Variants in AGBL1 observed in about 807,000 individuals in gnomAD.
AGBL1 encodes cytosolic carboxypeptidase 4.
AGBL1 carries 130 observed loss-of-function variants against 118.9 expected under a neutral mutation model. The ratio of observed to expected loss-of-function variants is 1.09; its 90% confidence interval spans 0.95 to 1.26. The LOEUF (loss-of-function observed/expected upper bound fraction) is 1.26. Ranked by LOEUF, AGBL1 falls within the 50% of genes most tolerant of loss-of-function variation. The pLI, the probability that AGBL1 is intolerant of heterozygous loss-of-function variation, is 0.00. For synonymous variants in AGBL1, 555 were observed against 478.9 expected (o/e 1.16, Z -2.08); for missense variants, 1,584 against 1,298.1 (o/e 1.22, Z -3.38).
intron 1 of AGBL1, among the ~76,000 whole-genome samples, chr15:86,123,978 T>C (rs1006394120): frequency 1.4e-4 from 22 of 152,140 alleles, no homozygotes; most frequent in African/African-American, 5.3e-4. Context: ...GATATTGGAA[T>C]GGAACGAGGA....
At chr15:86,432,921 T>A (rs2081953098) in intron 18 of AGBL1, among the ~76,000 whole-genome samples, 1 of 152,224 alleles carries the variant, frequency 6.6e-6, no homozygotes, top group Non-Finnish European at 1.5e-5. Flanking sequence ...CCTGTCCCCA[T>A]GTCTCCCTCA....
chr15:86,257,898 A>G, intron 8 of AGBL1, 66 bp from the exon 9 acceptor site: 3 of 1,528,100 alleles, frequency 2.0e-6, no homozygotes, highest in South Asian at 1.2e-5. Context: ...GTATGGTGAA[A>G]ATCTAAATCC....
At chr15:86,159,238 A>G (rs1053417719) in intron 5 of AGBL1, among the ~76,000 whole-genome samples, 2 of 151,870 alleles carry the variant, frequency 1.3e-5, no homozygotes, top group Admixed American at 1.3e-4. Flanking sequence ...GAATGGGTAT[A>G]TTATTATTCT....
At chr15:86,596,887 T>C (rs1452731519) in intron 21 of AGBL1, among the ~76,000 whole-genome samples, 1 of 152,204 alleles carries the variant, frequency 6.6e-6, no homozygotes, top group Non-Finnish European at 1.5e-5. Flanking sequence ...TTATTATTTA[T>C]TGCCTGTACT....
At chr15:86,224,874 C>T (rs1186657383) in intron 5 of AGBL1, 40 bp from the exon 6 acceptor site, 2 of 1,607,118 alleles carry the variant, frequency 1.2e-6, no homozygotes, top group Admixed American at 1.7e-5. Context: ...AGAAAAAGAC[C>T]ATTGAATGTT....
intron 5 of AGBL1, among the ~76,000 whole-genome samples, chr15:86,170,911 C>T (rs143629307): frequency 1.3e-3 from 195 of 150,744 alleles, no homozygotes; most frequent in African/African-American, 4.5e-3. Context: ...CTTCAAAGCA[C>T]CCAGGAAAGG....
At chr15:86,771,445 C>A (rs977729564) in intron 22 of AGBL1, among the ~76,000 whole-genome samples, 1 of 151,976 alleles carries the variant, frequency 6.6e-6, no homozygotes, top group East Asian at 1.9e-4. Context: ...TTTCTCTTTA[C>A]AAGAGCTAGT....
At chr15:86,995,728 A>G (rs895586815) in intron 24 of AGBL1, among the ~76,000 whole-genome samples, 1 of 152,082 alleles carries the variant, frequency 6.6e-6, no homozygotes, top group African/African-American at 2.4e-5. Context: ...AATTTTAACA[A>G]TTTTTCCTCC....
intron 21 of AGBL1, among the ~76,000 whole-genome samples, chr15:86,638,180 A>G (rs183021112): frequency 1.2e-4 from 19 of 152,318 alleles, no homozygotes; most frequent in Middle Eastern, 3.4e-3. Flanking sequence ...GCTATTCAAG[A>G]TAGTAGCAGT....
intron 22 of AGBL1, among the ~76,000 whole-genome samples, chr15:86,844,445 C>T (rs1167714054): frequency 6.6e-6 from 1 of 152,114 alleles, no homozygotes; most frequent in Non-Finnish European, 1.5e-5. Flanking sequence ...TTTTCATTTG[C>T]ATTTCCTTAA....
At chr15:86,179,678 TAAC>T (rs2077526934) in intron 5 of AGBL1, among the ~76,000 whole-genome samples, 1 of 152,136 alleles carries the variant, frequency 6.6e-6, no homozygotes, top group Admixed American at 6.5e-5. Context: ...TAAATCTATT[TAAC>T]ATTATACTGG....
chr15:86,281,780 T>C (rs1424505169), intron 16 of AGBL1, among the ~76,000 whole-genome samples: 1 of 152,190 alleles, frequency 6.6e-6, no homozygotes, highest in Non-Finnish European at 1.5e-5. Context: ...GTCAGATTAG[T>C]GTCATTGCTT....
intron 1 of AGBL1, among the ~76,000 whole-genome samples, chr15:86,124,602 A>C (rs890696338): frequency 1.3e-5 from 2 of 152,158 alleles, no homozygotes; most frequent in African/African-American, 4.8e-5. Context: ...TGTTTCCTTA[A>C]GGGACTTGGT....
At chr15:87,028,915 A>G (rs1386619521) in exon 25 of AGBL1, 10 of 1,486,672 alleles carry the variant, frequency 6.7e-6, no homozygotes, top group South Asian at 1.1e-5. Flanking sequence ...GTGAGGAAAT[A>G]TCTGAAACCT....
intron 18 of AGBL1, among the ~76,000 whole-genome samples, chr15:86,450,549 T>G (rs1485629879): frequency 6.6e-6 from 1 of 152,214 alleles, no homozygotes; most frequent in East Asian, 1.9e-4. Flanking sequence ...ACAGTATTCA[T>G]TCTGTTTATT....
At chr15:86,983,786 G>A (rs1018619676) in intron 23 of AGBL1, among the ~76,000 whole-genome samples, 3 of 151,990 alleles carry the variant, frequency 2.0e-5, no homozygotes, top group Non-Finnish European at 2.9e-5. Flanking sequence ...AAATACAATC[G>A]TACATTATAC....
intron 21 of AGBL1, among the ~76,000 whole-genome samples, chr15:86,603,581 C>A (rs1410918347): frequency 2.0e-5 from 3 of 152,102 alleles, no homozygotes; most frequent in Non-Finnish European, 2.9e-5. Flanking sequence ...AAAGCTGGCA[C>A]ACTACCTACC....
intron 21 of AGBL1, among the ~76,000 whole-genome samples, chr15:86,557,169 C>T (rs1180099439): frequency 2.6e-5 from 4 of 152,176 alleles, no homozygotes; most frequent in Admixed American, 1.3e-4. Flanking sequence ...GTGGAAATCC[C>T]ACCCACTGAG....
chr15:86,318,974 G>T (rs2080063393), intron 17 of AGBL1, among the ~76,000 whole-genome samples: 1 of 152,026 alleles, frequency 6.6e-6, no homozygotes, highest in Non-Finnish European at 1.5e-5. Flanking sequence ...GTACAGTCTT[G>T]CTACCAGCAA....
Sources: gnomAD v4.1 joint callset for allele counts (sites outside exome capture counted in the v4.1 genomes callset) on GRCh38, gnomAD v4.1.1 for gene constraint, MANE v1.5 for transcripts, NCBI Gene and HGNC (gene_info 2026-07-23, HGNC 2026-07-21) for gene names.